DIP2B: variants seen among roughly 807,000 people sequenced by gnomAD.
DIP2B encodes DIP2 acetate--CoA ligase B (putative), also known as disco-interacting protein 2 homolog B.
In DIP2B, 76 loss-of-function variants were observed where a neutral mutation model predicts 198.0. The observed-to-expected ratio is 0.38, with a 90% CI of 0.32 to 0.46. The LOEUF (loss-of-function observed/expected upper bound fraction) is 0.46, where lower values mean the gene tolerates loss of function less well. DIP2B is among the 20% of genes least tolerant of loss of function. The pLI is 0.99. For missense variants in DIP2B, 1,559 were observed against 1,978.4 expected (o/e 0.79, Z 4.02); for synonymous variants, 701 against 739.1 (o/e 0.95, Z 0.84).
At chr12:50,642,244 C>G (rs763443103) in intron 3 of DIP2B, among the ~76,000 whole-genome samples, 6 of 152,062 alleles carry the variant, frequency 3.9e-5, no homozygotes, top group Non-Finnish European at 7.4e-5. Context: ...AAGAGTTAGC[C>G]AGGGAAATAG....
intron 23 of DIP2B, among the ~76,000 whole-genome samples, chr12:50,718,001 G>A (rs1592141206): frequency 7.2e-6 from 1 of 139,656 alleles, no homozygotes; most frequent in South Asian, 2.3e-4. Context: ...CTGGGTTCAA[G>A]CAATTCTCCT....
chr12:50,690,276 C>T (rs534287812), intron 12 of DIP2B, among the ~76,000 whole-genome samples: 1 of 152,204 alleles, frequency 6.6e-6, no homozygotes, highest in South Asian at 2.1e-4. Context: ...TTAGTAGAGA[C>T]GTCGTTTCAC....
chr12:50,683,346 C>G lies in DIP2B; in HGVS notation c.1317+98C>G, dbSNP rs1011016993. On this transcript the variant is annotated intron_variant, in intron 10 of 37. Coordinates refer to ENST00000301180, the MANE Select transcript of DIP2B (RefSeq NM_173602.3). Reference sequence around the variant, plus strand: ...GTCACAACAGTAAAAACTGTTCGACCATTTTTGGAAGTACTCAGCTTCACT... The same window carrying G: ...GTCACAACAGTAAAAACTGTTCGACGATTTTTGGAAGTACTCAGCTTCACT... 1.6e-5 allele frequency: 15 copies of G among 965,798 alleles called. No individual in the cohort carries two copies. In the African/African-American group the frequency reaches 2.4e-4, roughly 15 times the overall value. The allele number at this position is 965,798 out of a possible 1,614,324, so 59.8% of individuals were successfully genotyped here. A position where few individuals can be genotyped will look rare whatever the true frequency, so the allele number is the denominator to read the frequency against.
Position 50,674,536 on chromosome 12 carries a change from A to G in DIP2B, c.703A>G (p.Ile235Val), listed in dbSNP as rs753129332. Residue 235 changes from isoleucine to valine, a missense_variant, in exon 6 of 38, where the codon ATT becomes GTT. Ile to Val is a conservative substitution (Grantham distance 29). Coordinates refer to ENST00000301180, the MANE Select transcript of DIP2B (RefSeq NM_173602.3). Reference sequence around the variant, plus strand: ...CTCTTCCTCCTCATCATCTTCCTCAATTCGCCCAGCAAACATTGACCTGCC... The same window carrying G: ...CTCTTCCTCCTCATCATCTTCCTCAGTTCGCCCAGCAAACATTGACCTGCC... ...TTSSSSSSSSIRPANIDLPPS... is the reference protein window; with the variant it reads ...TTSSSSSSSSVRPANIDLPPS... The G allele has an allele frequency of 1.2e-6, 2 of 1,614,144 alleles. No individual in the cohort carries two copies. The highest frequency in any genetic ancestry group is 1.7e-6 in the Non-Finnish European group (2 of 1,180,036).
chr12:50,723,285 C>A lies in DIP2B; in HGVS notation c.3250C>A (p.Leu1084Ile). The A allele has an allele frequency of 1.2e-6, 2 of 1,614,192 alleles. No individual in the cohort carries two copies. The highest frequency in any genetic ancestry group is 4.5e-5 in the East Asian group (2 of 44,890). ...CGTCAGACCTCCACATGCTCAGAACCTCACGGCCACGCTGCCCACTGTCCG... is the reference window on the plus strand; with the variant it reads ...CGTCAGACCTCCACATGCTCAGAACATCACGGCCACGCTGCCCACTGTCCG... ...VTVRPPHAQN[L>I]TATLPTVRMI... Residue 1084 changes from leucine (L) to isoleucine (I), a missense_variant, in exon 27 of 38, where the codon CTC becomes ATC. By Grantham distance (5) the Leu-to-Ile change is conservative. Coordinates refer to ENST00000301180, the MANE Select transcript of DIP2B (RefSeq NM_173602.3).
intron 1 of DIP2B, among the ~76,000 whole-genome samples, chr12:50,603,552 G>A (rs953084004): frequency 2.6e-5 from 4 of 152,010 alleles, no homozygotes; most frequent in Non-Finnish European, 5.9e-5. Context: ...CAGCCTGGGC[G>A]ACATGGTGAA....
At chr12:50,601,431 G>A (rs1186587416) in intron 1 of DIP2B, among the ~76,000 whole-genome samples, 1 of 151,396 alleles carries the variant, frequency 6.6e-6, no homozygotes, top group Non-Finnish European at 1.5e-5. Flanking sequence ...TGCAAGCTCC[G>A]CCTCCCAGGT....
At chr12:50,588,143 T>C (rs1404937855) in intron 1 of DIP2B, among the ~76,000 whole-genome samples, 2 of 150,978 alleles carry the variant, frequency 1.3e-5, no homozygotes, top group Admixed American at 6.6e-5. Flanking sequence ...TTTCTTTTTT[T>C]TTTCTTTTTC....
intron 35 of DIP2B, 35 bp downstream of exon 35, chr12:50,737,145 C>T: frequency 6.3e-7 from 1 of 1,587,336 alleles, no homozygotes; most frequent in Non-Finnish European, 8.6e-7. Flanking sequence ...TCTGAAAAGT[C>T]AGCAGTAAAA....
intron 1 of DIP2B, among the ~76,000 whole-genome samples, chr12:50,623,366 G>C (rs1056495854): frequency 6.6e-6 from 1 of 151,016 alleles, no homozygotes; most frequent in African/African-American, 2.4e-5. Flanking sequence ...GATAGAGGGA[G>C]ACCCTGCCTC....
At chr12:50,620,362 G>A (rs956451998) in intron 1 of DIP2B, among the ~76,000 whole-genome samples, 1 of 152,200 alleles carries the variant, frequency 6.6e-6, no homozygotes, top group Admixed American at 6.5e-5. Context: ...GAGGAAAGAA[G>A]TTGGAAACAT....
chr12:50,573,321 A>G (rs1958631378), intron 1 of DIP2B, among the ~76,000 whole-genome samples: 1 of 152,224 alleles, frequency 6.6e-6, no homozygotes, highest in Admixed American at 6.5e-5. Context: ...GAGACAAATA[A>G]GATTGAGTAT....
At chr12:50,719,851 AAAG>A (rs1939801408) in intron 25 of DIP2B, among the ~76,000 whole-genome samples, 1 of 148,640 alleles carries the variant, frequency 6.7e-6, no homozygotes, top group South Asian at 2.1e-4. Flanking sequence ...AAAAATAAAA[AAAG>A]AAAAAATATA....
intron 37 of DIP2B, among the ~76,000 whole-genome samples, chr12:50,742,693 C>T (rs1421203545): frequency 6.6e-6 from 1 of 152,030 alleles, no homozygotes; most frequent in African/African-American, 2.4e-5. Flanking sequence ...GTCAGGAGTT[C>T]AAGACCAGCC....
At position 50,727,809 on chromosome 12, in the gene DIP2B, G is replaced by A. The variant is rs1334540890; in HGVS notation, c.3507G>A (p.Val1169=). Residue 1169 remains valine (V), a synonymous_variant, in exon 29 of 38, where the codon GTG becomes GTA. Transcript: ENST00000301180. ...SVSTTGMLTG[V]KMSHSAVNAL... Reference sequence around the variant, plus strand: ...CCACAACTGGCATGCTTACAGGAGTGAAGGTAAGGTGCATGCTGGAAAAAT... The same window carrying A: ...CCACAACTGGCATGCTTACAGGAGTAAAGGTAAGGTGCATGCTGGAAAAAT... 6.2e-7 allele frequency: 1 copy of A among 1,613,514 alleles called. No individual in the cohort carries two copies. Among genetic ancestry groups the A allele is most frequent in the South Asian group, 1.1e-5 (1 of 91,026 alleles).
intron 3 of DIP2B, among the ~76,000 whole-genome samples, chr12:50,657,629 A>C (rs1938577318): frequency 6.9e-6 from 1 of 144,608 alleles, no homozygotes; most frequent in Non-Finnish European, 1.5e-5. Context: ...CCATCTTTAC[A>C]AAAAAAAAAA....
intron 1 of DIP2B, among the ~76,000 whole-genome samples, chr12:50,545,674 C>CTTT (rs71441371): frequency 1.4e-5 from 2 of 139,640 alleles, no homozygotes; most frequent in Non-Finnish European, 1.6e-5. Context: ...TGGAGGCAGA[C>CTTT]TTTTTTTTTT....
chr12:50,529,079 A>G (rs1384300650), intron 1 of DIP2B, among the ~76,000 whole-genome samples: 1 of 152,194 alleles, frequency 6.6e-6, no homozygotes, highest in Non-Finnish European at 1.5e-5. Flanking sequence ...GGGGCAGGAC[A>G]TGGCAGTACT....
At chr12:50,595,827 A>G (rs1048898671) in intron 1 of DIP2B, among the ~76,000 whole-genome samples, 7 of 152,180 alleles carry the variant, frequency 4.6e-5, no homozygotes, top group Admixed American at 2.6e-4. Context: ...GAGAAAGTAA[A>G]TAAATAGCCT....
Sources: allele counts gnomAD v4.1 joint callset (sites outside exome capture counted in the v4.1 genomes callset), GRCh38; gene constraint gnomAD v4.1.1; transcripts MANE v1.5; gene names NCBI Gene and HGNC (gene_info 2026-07-23, HGNC 2026-07-21).